Variants in ANXA9 observed in about 807,000 individuals in gnomAD.
ANXA9 encodes annexin 31.
Under a neutral mutation model 51.8 loss-of-function variants are expected in ANXA9, and 47 were observed. That is an observed-to-expected ratio of 0.91 (90% confidence interval 0.72 to 1.16). ANXA9 has a LOEUF of 1.16. Ranked by LOEUF, ANXA9 falls within the 50% of genes most tolerant of loss-of-function variation. The pLI is 0.00. For synonymous variants in ANXA9, 154 were observed against 168.7 expected (o/e 0.91, Z 0.68); for missense variants, 361 against 424.7 (o/e 0.85, Z 1.32).
chr1:150,991,923 C>T (rs587631390), intron 12 of ANXA9, among the ~76,000 whole-genome samples: 17 of 152,058 alleles, frequency 1.1e-4, no homozygotes, highest in African/African-American at 1.7e-4. Context: ...CCCGCCACCA[C>T]GCCCGGCTAA....
chr1:150,977,388 G>A (rs587681176), upstream of ANXA9, among the ~76,000 whole-genome samples: 1 of 152,332 alleles, frequency 6.6e-6, no homozygotes, highest in East Asian at 1.9e-4. Flanking sequence ...GCACGCTTGG[G>A]GAGCATACAC....
intron 12 of ANXA9, among the ~76,000 whole-genome samples, chr1:150,990,212 G>T (rs764283330): frequency 4.4e-5 from 6 of 134,988 alleles, no homozygotes; most frequent in Non-Finnish European, 9.3e-5. Context: ...TCAGGAGGAT[G>T]TGGTGGGAGG....
chr1:150,988,126 C>G lies in ANXA9; in HGVS notation c.733C>G (p.Leu245Val), dbSNP rs1164358691. 1.2e-6 allele frequency: 2 copies of G among 1,614,232 alleles called. No individual in the cohort carries two copies. Among genetic ancestry groups the G allele is most frequent in the Admixed American group, 3.3e-5 (2 of 60,024 alleles). Residue 245 changes from leucine to valine, a missense_variant, in exon 11 of 14, where the codon CTG (leucine) becomes GTG (valine). Transcript: ENST00000368947. ...DQYQRSTGQE[L>V]EEAVQNRFHG... The stretch of plus-strand genomic sequence containing the variant: ...GTACCAGCGGAGCACTGGGCAAGAG[C>G]TGGAGGAGGCTGTCCAGAACCGTTT...
At chr1:150,991,000 A>G (rs977360609) in intron 12 of ANXA9, among the ~76,000 whole-genome samples, 17 of 151,752 alleles carry the variant, frequency 1.1e-4, no homozygotes, top group Non-Finnish European at 1.3e-4. Flanking sequence ...GAAATTAGCC[A>G]GGCGTGGTAG....
chr1:150,984,942 A>T (rs998325820), intron 7 of ANXA9, among the ~76,000 whole-genome samples: 3 of 151,922 alleles, frequency 2.0e-5, no homozygotes, highest in Non-Finnish European at 4.4e-5. Context: ...TGGGCAGGTC[A>T]CTTGAGCCCA....
At chr1:150,995,144 C>T (rs1571700005) in intron 13 of ANXA9, 116 bp from the exon 14 acceptor site, 1 of 1,073,018 alleles carries the variant, frequency 9.3e-7, no homozygotes, top group Non-Finnish European at 1.4e-6. Context: ...CTCTGAGCTC[C>T]CGGGAGGACC....
upstream of ANXA9, among the ~76,000 whole-genome samples, chr1:150,980,572 CTTTTTTTTT>C (rs869295630): frequency 2.2e-5 from 2 of 89,062 alleles, no homozygotes; most frequent in Non-Finnish European, 4.1e-5. Context: ...ACACAGATTA[CTTTTTTTTT>C]TTTTTTTTTT....
chr1:150,990,418 G>A (rs1480607652), intron 12 of ANXA9, among the ~76,000 whole-genome samples: 1 of 151,920 alleles, frequency 6.6e-6, no homozygotes, highest in African/African-American at 2.4e-5. Flanking sequence ...CTAGGCTGGA[G>A]TGCAGTGGCG....
Position 150,983,168 on chromosome 1 carries a change from C to A in ANXA9, c.63C>A (p.Gly21=). The change falls in exon 3 of 14, where the codon GGC becomes GGA. Residue 21 remains glycine, a synonymous_variant. Transcript: ENST00000368947. ...CCCAGGAGATCCTCAGCCACCTGGGCCTGGCCAGCAAGGTAGGGGCTGTTG... is the reference window on the plus strand; with the variant it reads ...CCCAGGAGATCCTCAGCCACCTGGGACTGGCCAGCAAGGTAGGGGCTGTTG... ...SLTQEILSHL[G]LASKTAAWGT... 6.2e-7 allele frequency: 1 copy of A among 1,613,996 alleles called. No homozygotes were observed. The highest frequency in any genetic ancestry group is 1.1e-5 in the South Asian group (1 of 91,070).
At chr1:150,980,802 G>A (rs587769529), upstream of ANXA9, among the ~76,000 whole-genome samples, 29 of 151,906 alleles carry the variant, frequency 1.9e-4, no homozygotes, top group African/African-American at 6.8e-4. Flanking sequence ...GGCTGGTCTC[G>A]ATCTCCTGCC....
In ANXA9 at chr1:150,993,824, G is replaced by A. The variant is rs12082482; in HGVS notation, c.853-753G>A. Among the ~76,000 whole-genome samples the A allele has an allele frequency of 1.3e-3, 203 of 150,882 alleles. 1 individual carries two copies. Among genetic ancestry groups the A allele is most frequent in the African/African-American group, 4.8e-3 (195 of 41,038 alleles). ...TTATTTTTGTATTTTTAGTAGAGAC[G>A]GGGTTTCACCATTTTGGTCAGGCTG... is the stretch of plus-strand genomic sequence containing the variant. On this transcript the variant is annotated intron_variant, in intron 12 of 13. Transcript: ENST00000368947.
At chr1:150,995,180 G>T (rs759535405) in intron 13 of ANXA9, 80 bp from the exon 14 acceptor site, 56 of 1,434,388 alleles carry the variant, frequency 3.9e-5, no homozygotes, top group Non-Finnish European at 5.3e-5. Flanking sequence ...AACTGTGATG[G>T]ACCAGCCCAA....
At chr1:150,986,536 G>A (rs1300815356) in intron 8 of ANXA9, 66 bp from the exon 9 acceptor site, 11 of 1,588,368 alleles carry the variant, frequency 6.9e-6, no homozygotes, top group Middle Eastern at 1.7e-4. Flanking sequence ...ACCAGCCTTC[G>A]CTTGTTGGTC....
intron 4 of ANXA9, 127 bp from the exon 5 acceptor site, chr1:150,983,848 G>C: frequency 1.2e-6 from 1 of 842,880 alleles, no homozygotes. Context: ...AAATGGAAGT[G>C]GGGGTGATAT....
intron 7 of ANXA9, among the ~76,000 whole-genome samples, chr1:150,985,764 C>T (rs587638154): frequency 2.6e-4 from 39 of 152,168 alleles, no homozygotes; most frequent in African/African-American, 7.0e-4. Context: ...GATGGGGTTT[C>T]GCTGTGTTGT....
At chr1:150,980,178 C>T (rs894040788), upstream of ANXA9, among the ~76,000 whole-genome samples, 5 of 152,122 alleles carry the variant, frequency 3.3e-5, no homozygotes, top group Non-Finnish European at 7.4e-5. Flanking sequence ...AGGTGGATCA[C>T]GAGGTCAGGA....
rs1228008848 is a variant in ANXA9, at chr1:150,984,313, CGGCAACCT to C, written c.303_310del (p.Asn102GlufsTer14). On this transcript the variant is annotated frameshift_variant, in exon 6 of 14. Coordinates refer to ENST00000368947, the MANE Select transcript of ANXA9 (RefSeq NM_003568.3). LOFTEE classifies it high-confidence loss of function. ...TGAAGTCTCTACAGGCAGCACTTTCCGGCAACCTGGAGAGGATTGTGATGGCTCTGCTG... is the reference window on the plus strand; with the variant it reads ...TGAAGTCTCTACAGGCAGCACTTTCCGGAGAGGATTGTGATGGCTCTGCTG... 2 of 1,614,036 alleles carry C rather than the reference CGGCAACCT, an allele frequency of 1.2e-6. No homozygotes were observed. Among genetic ancestry groups the C allele is most frequent in the African/African-American group, 2.7e-5 (2 of 74,898 alleles).
chr1:150,979,320 C>T (rs955305008), upstream of ANXA9, among the ~76,000 whole-genome samples: 11 of 152,000 alleles, frequency 7.2e-5, no homozygotes, highest in Non-Finnish European at 1.5e-4. Flanking sequence ...ACGCTTCCTT[C>T]GGTTCTCCCT....
intron 7 of ANXA9, 115 bp downstream of exon 7, chr1:150,984,791 AT>A: frequency 1.2e-6 from 1 of 819,132 alleles, no homozygotes; most frequent in South Asian, 1.7e-5. Flanking sequence ...CCTAAGTTCT[AT>A]TCCCTTGGGG....
Sources: allele counts gnomAD v4.1 joint callset (sites outside exome capture counted in the v4.1 genomes callset), GRCh38; gene constraint gnomAD v4.1.1; transcripts MANE v1.5; gene names NCBI Gene and HGNC (gene_info 2026-07-23, HGNC 2026-07-21).